TP53I11: variants seen among roughly 807,000 people sequenced by gnomAD.
TP53I11 encodes tumor protein p53-inducible protein 11.
In TP53I11, 9 loss-of-function variants were observed where a neutral mutation model predicts 23.3. That is an observed-to-expected ratio of 0.39 (90% CI 0.23 to 0.67). The LOEUF (loss-of-function observed/expected upper bound fraction) is 0.67, where lower values mean the gene tolerates loss of function less well. Among genes scored for constraint, TP53I11 ranks in the 30% least tolerant of loss-of-function variants. The probability of loss-of-function intolerance (pLI) is 0.48; values close to 1 mark genes in which losing one functional copy is unlikely to be tolerated. For synonymous variants in TP53I11, 100 were observed against 106.1 expected (o/e 0.94, Z 0.35); for missense variants, 170 against 255.2 (o/e 0.67, Z 2.27).
intron 1 of TP53I11, chr11:44,947,231 G>T (rs1862474875): frequency 7.0e-6 from 3 of 425,858 alleles, no homozygotes; most frequent in African/African-American, 2.0e-5. Flanking sequence ...AGAACATGAA[G>T]AATTCCTGTC....
rs780101111 is a variant in TP53I11, at chr11:44,938,331, G to A, written c.5C>T (p.Ala2Val). The A allele has an allele frequency of 6.3e-6, 10 of 1,597,996 alleles. No individual in the cohort carries two copies. The highest frequency in any genetic ancestry group is 5.4e-5 in the African/African-American group (4 of 74,612). Residue 2 changes from alanine (A) to valine (V), a missense_variant, in exon 2 of 7, where the codon GCG becomes GTG. Transcript: ENST00000525680. ...CATCAGAGGCGGGGGCTGCTTGGCC[G>A]CCATCTTCTCCTCCAGCCCGGCCTC... MAAKQPPPLMKK... is the reference protein window; with the variant it reads MVAKQPPPLMKK...
At chr11:44,937,041 T>C (rs868004210) in intron 4 of TP53I11, 142 bp from the exon 5 acceptor site, 3 of 745,630 alleles carry the variant, frequency 4.0e-6, no homozygotes, top group Middle Eastern at 2.7e-4. Context: ...GACCCAATTG[T>C]CCCCACCCGC....
chr11:44,936,685 A>G lies in TP53I11; in HGVS notation c.334+118T>C, dbSNP rs1232663321. On this transcript the variant is annotated intron_variant, in intron 5 of 6. Transcript: ENST00000525680. This position sits in a 1 kb window ranked among gnomAD's most constrained non-coding sequence, Gnocchi z 4.4. ...TCATCAGAGGCCGGGGTGTGGGCGC[A>G]GCATCTGGCCGAAGAAAGGAAGGGG... 2 of 1,369,364 alleles carry G rather than the reference A, an allele frequency of 1.5e-6. No homozygotes were observed. Among genetic ancestry groups the G allele is most frequent in the Non-Finnish European group, 9.5e-7 (1 of 1,057,190 alleles). The allele number at this position is 1,369,364 out of a possible 1,614,324, so 84.8% of individuals were successfully genotyped here. A position where few individuals can be genotyped will look rare whatever the true frequency, so the allele number is the denominator to read the frequency against.
rs144949582 is a variant in TP53I11 at position 44,936,307 on chromosome 11, G to A, written c.334+496C>T. On this transcript the variant is annotated intron_variant, in intron 5 of 6. Coordinates refer to ENST00000525680, the MANE Select transcript of TP53I11 (RefSeq NM_006034.5). This position sits in a 1 kb window ranked among gnomAD's most constrained non-coding sequence, Gnocchi z 4.4. The stretch of plus-strand genomic sequence containing the variant: ...GCAATAGGGAGCCATAGAATATTTC[G>A]TAGAAATAGAGGCATATTACCTATG... 570 of 1,170,930 alleles carry A rather than the reference G, an allele frequency of 4.9e-4. No individual in the cohort carries two copies. The highest frequency in any genetic ancestry group is 3.4e-3 in the African/African-American group (218 of 63,190). The allele number at this position is 1,170,930 out of a possible 1,614,324, so 72.5% of individuals were successfully genotyped here.
chr11:44,942,948 C>T (rs1164221127), intron 1 of TP53I11, among the ~76,000 whole-genome samples: 1 of 152,224 alleles, frequency 6.6e-6, no homozygotes, highest in East Asian at 1.9e-4. Context: ...CCCTTCAGGG[C>T]CACTCCAGGT....
Position 44,936,546 on chromosome 11 carries a change from G to A in TP53I11, c.334+257C>T. On this transcript the variant is annotated intron_variant, in intron 5 of 6. Transcript: ENST00000525680. This position sits in a 1 kb window ranked among gnomAD's most constrained non-coding sequence, Gnocchi z 4.4. ...CATCTCTGTACCACAACGCCCAGAGGCAGTGCACACACTTATGAGCGCTCC... is the reference window on the plus strand; with the variant it reads ...CATCTCTGTACCACAACGCCCAGAGACAGTGCACACACTTATGAGCGCTCC... The A allele has an allele frequency of 2.4e-6, 3 of 1,266,072 alleles. No homozygotes were observed. The highest frequency in any genetic ancestry group is 2.0e-6 in the Non-Finnish European group (2 of 1,006,218). 78.4% of individuals were successfully genotyped at this position (1,266,072 alleles called of 1,614,324 possible). A position where few individuals can be genotyped will look rare whatever the true frequency, so the allele number is the denominator to read the frequency against.
chr11:44,941,855 G>A (rs1173228268), intron 1 of TP53I11, among the ~76,000 whole-genome samples: 1 of 152,112 alleles, frequency 6.6e-6, no homozygotes, highest in Non-Finnish European at 1.5e-5. Context: ...CCAGGCCCAG[G>A]CTGTGTCCAC....
In TP53I11 at chr11:44,950,801, AGGGCAGGACAGGG is replaced by A. The variant is rs1405859416; in HGVS notation, c.-169_-157del. 7.1e-5 allele frequency: 9 copies of A among 127,016 alleles called. No individual in the cohort carries two copies. The East Asian group carries it at 1.1e-3, about 15-fold the overall frequency. The allele number at this position is 127,016 out of a possible 1,614,324, so 7.9% of individuals were successfully genotyped here. A position where few individuals can be genotyped will look rare whatever the true frequency, so the allele number is the denominator to read the frequency against. On this transcript the variant is annotated 5_prime_UTR_variant, in exon 1 of 7. Coordinates refer to ENST00000525680, the MANE Select transcript of TP53I11 (RefSeq NM_006034.5). Reference sequence around the variant, plus strand: ...AGTGCAGGGCAGGGCAGGGCAGGGCAGGGCAGGACAGGGCAGGGCAGGGCAGGGCCGGGCCGGC... The same window carrying A: ...AGTGCAGGGCAGGGCAGGGCAGGGCACAGGGCAGGGCAGGGCCGGGCCGGC...
intron 1 of TP53I11, among the ~76,000 whole-genome samples, chr11:44,949,714 G>A (rs895995601): frequency 1.3e-5 from 2 of 152,182 alleles, no homozygotes; most frequent in African/African-American, 4.8e-5. Context: ...GGGTAGGTGC[G>A]AGTGTTCTGC....
Position 44,935,564 on chromosome 11 carries a change from A to T in TP53I11, c.433T>A (p.Leu145Met), listed in dbSNP as rs1861006317. 8 of 1,613,928 alleles carry T rather than the reference A, an allele frequency of 5.0e-6. No individual in the cohort carries two copies. The South Asian group carries it at 8.8e-5, about 18-fold the overall frequency. ...CACTGCCCACCTCAGGACTCACCCAAGAACTGGACCCCGAAATAGCAAGCT... is the reference window on the plus strand; with the variant it reads ...CACTGCCCACCTCAGGACTCACCCATGAACTGGACCCCGAAATAGCAAGCT... ...TEACYFGVQF[L>M]VVTATLAETG... The change falls in exon 6 of 7, where the codon TTG (leucine) becomes ATG (methionine). Residue 145 changes from leucine to methionine, a missense_variant. Transcript: ENST00000525680.
Position 44,934,765 on chromosome 11 carries a change from CCTGGGGCAGGA to C in TP53I11, c.*108_*118del, listed in dbSNP as rs966321098. 6 of 1,411,344 alleles carry C rather than the reference CCTGGGGCAGGA, an allele frequency of 4.3e-6. No individual in the cohort carries two copies. The highest frequency in any genetic ancestry group is 2.9e-5 in the African/African-American group (2 of 69,830). The allele number at this position is 1,411,344 out of a possible 1,614,324, so 87.4% of individuals were successfully genotyped here. ...AGGAAGGCCCCCCACCCCCTGCCTC[CCTGGGGCAGGA>C]CTGGGGCAGGGCAGGGGACCCTCCT... On this transcript the variant is annotated 3_prime_UTR_variant, in exon 7 of 7. Coordinates refer to ENST00000525680, the MANE Select transcript of TP53I11 (RefSeq NM_006034.5).
Position 44,938,380 on chromosome 11 carries a change from C to A in TP53I11, c.-31-14G>T. The A allele has an allele frequency of 1.3e-6, 2 of 1,522,092 alleles. No homozygotes were observed. Among genetic ancestry groups the A allele is most frequent in the African/African-American group, 1.4e-5 (1 of 72,184 alleles). The allele number at this position is 1,522,092 out of a possible 1,614,324, so 94.3% of individuals were successfully genotyped here. On this transcript the variant is annotated splice_polypyrimidine_tract_variant and intron_variant, in intron 1 of 6. Coordinates refer to ENST00000525680, the MANE Select transcript of TP53I11 (RefSeq NM_006034.5). Reference sequence around the variant, plus strand: ...TCTGCAGAAGGGCTGAGGGGAGACACCGGCCTCAGGCCACAGTTCCTACCC... The same window carrying A: ...TCTGCAGAAGGGCTGAGGGGAGACAACGGCCTCAGGCCACAGTTCCTACCC...
chr11:44,947,378 CA>C (rs991304276), intron 1 of TP53I11: 2 of 316,224 alleles, frequency 6.3e-6, no homozygotes, highest in African/African-American at 4.3e-5. Flanking sequence ...GAGAATGCAG[CA>C]GGCACCTCCC....
Position 44,933,053 on chromosome 11 carries a change from C to T in TP53I11, c.*1831G>A, listed in dbSNP as rs1415367353. 1 of 11,874 alleles carries T rather than the reference C, an allele frequency of 8.4e-5. No homozygotes were observed. The highest frequency in any genetic ancestry group is 1.5e-3 in the East Asian group (1 of 686). The allele number at this position is 11,874 out of a possible 1,614,324, so 0.7% of individuals were successfully genotyped here. On this transcript the variant is annotated 3_prime_UTR_variant, in exon 7 of 7. Transcript: ENST00000525680. ...GCAGCAGCGGGAGGCAGTGGTGGCT[C>T]GTGGCCAGACCAGGGCTCGGCAGCA...
rs1860677544 is a variant in TP53I11 at position 44,932,801 on chromosome 11, CCTCATGGGGTAAGG to C, written c.*2069_*2082del. ...CAGCTGTGTGCCAGAGCCTGGACAG[CCTCATGGGGTAAGG>C]CCACGCCACCCTCCCATCCCACAGT... On this transcript the variant is annotated 3_prime_UTR_variant, in exon 7 of 7. Transcript: ENST00000525680. 6.6e-6 allele frequency: 1 copy of C among 152,366 alleles called. No homozygotes were observed. The highest frequency in any genetic ancestry group is 1.9e-4 in the East Asian group (1 of 5,194). 9.4% of individuals were successfully genotyped at this position (152,366 alleles called of 1,614,324 possible).
intron 1 of TP53I11, among the ~76,000 whole-genome samples, chr11:44,942,983 C>T (rs1284183252): frequency 6.6e-6 from 1 of 152,202 alleles, no homozygotes; most frequent in Non-Finnish European, 1.5e-5. Flanking sequence ...TAAGTGAGGA[C>T]AGAAGACTCC....
At chr11:44,937,207 C>T (rs553470623) in intron 4 of TP53I11, 97 bp downstream of exon 4, 9 of 1,444,742 alleles carry the variant, frequency 6.2e-6, no homozygotes, top group African/African-American at 1.4e-5. Flanking sequence ...GGCCCCTGCA[C>T]GAGGGGCCAG....
intron 3 of TP53I11, 24 bp from the exon 4 acceptor site, chr11:44,937,376 A>G: frequency 6.8e-7 from 1 of 1,473,922 alleles, no homozygotes; most frequent in Non-Finnish European, 9.0e-7. Flanking sequence ...AAAGAAGATC[A>G]CAGCCCTGCC....
Position 44,935,563 on chromosome 11 carries a change from A to G in TP53I11, c.434T>C (p.Leu145Ser). The change falls in exon 6 of 7, where the codon TTG (leucine) becomes TCG (serine). Residue 145 changes from leucine to serine, a missense_variant and splice_region_variant. Coordinates refer to ENST00000525680, the MANE Select transcript of TP53I11 (RefSeq NM_006034.5). Reference sequence around the variant, plus strand: ...TCACTGCCCACCTCAGGACTCACCCAAGAACTGGACCCCGAAATAGCAAGC... The same window carrying G: ...TCACTGCCCACCTCAGGACTCACCCGAGAACTGGACCCCGAAATAGCAAGC... Reference protein sequence around the residue: ...TEACYFGVQFLVVTATLAETG... With the variant: ...TEACYFGVQFSVVTATLAETG... 1 of 1,614,060 alleles carries G rather than the reference A, an allele frequency of 6.2e-7. No individual in the cohort carries two copies. The highest frequency in any genetic ancestry group is 2.2e-5 in the East Asian group (1 of 44,874).
Sources: allele counts gnomAD v4.1 joint callset (sites outside exome capture counted in the v4.1 genomes callset), GRCh38; gene constraint gnomAD v4.1.1; non-coding constraint Gnocchi (gnomAD v3.1); transcripts MANE v1.5; gene names NCBI Gene and HGNC (gene_info 2026-07-23, HGNC 2026-07-21).